Variants in BICD1 observed in about 807,000 individuals in gnomAD.
BICD1 encodes BICD cargo adaptor 1.
Under a neutral mutation model 92.5 loss-of-function variants are expected in BICD1, and 35 were observed. The ratio of observed to expected loss-of-function variants is 0.38; its 90% CI spans 0.29 to 0.50. The LOEUF (loss-of-function observed/expected upper bound fraction) is 0.50. BICD1 is among the 20% of genes least tolerant of loss of function. The pLI, the probability that BICD1 is intolerant of heterozygous loss-of-function variation, is 0.93. For synonymous variants in BICD1, 429 were observed against 465.1 expected, an observed-to-expected ratio of 0.92 and a Z score of 1.00; for missense variants, 950 against 1,189.8, an observed-to-expected ratio of 0.80 and a Z score of 2.97.
In BICD1 at chr12:32,377,856, T is replaced by C. The variant is rs201543635; in HGVS notation, c.*229T>C. The C allele has an allele frequency of 1.3e-5, 6 of 455,442 alleles. No homozygotes were observed. Among genetic ancestry groups the C allele is most frequent in the African/African-American group, 9.8e-5 (5 of 51,136 alleles). 28.2% of individuals were successfully genotyped at this position (455,442 alleles called of 1,614,324 possible). A position where few individuals can be genotyped will look rare whatever the true frequency, so the allele number is the denominator to read the frequency against. ...TCACAGATAAACTTCTGCCATCAAA[T>C]GGCTACAGTTCATTTAAATTTAAAA... is the stretch of plus-strand genomic sequence containing the variant. On this transcript the variant is annotated 3_prime_UTR_variant, in exon 10 of 10. Transcript: ENST00000652176.
chr12:32,208,838 T>G (rs1224293452), intron 1 of BICD1, among the ~76,000 whole-genome samples: 1 of 152,116 alleles, frequency 6.6e-6, no homozygotes, highest in Non-Finnish European at 1.5e-5. Context: ...TTTTTCTTTT[T>G]TTTTGAGACA....
In BICD1 at chr12:32,216,324, G is replaced by A. The variant is rs1162872744; in HGVS notation, c.291G>A (p.Glu97=). The A allele has an allele frequency of 6.2e-7, 1 of 1,614,206 alleles. No individual in the cohort carries two copies. Among genetic ancestry groups the A allele is most frequent in the Non-Finnish European group, 8.5e-7 (1 of 1,180,050 alleles). ...GETREETLLQ[E]SASKEAYYLG... The stretch of plus-strand genomic sequence containing the variant: ...CTCGGGAGGAAACGCTTCTGCAGGA[G>A]TCAGCATCGAAGGAGGCTTACTATC... Residue 97 remains glutamate (E), a synonymous_variant, in exon 2 of 10, where the codon GAG becomes GAA. Coordinates refer to ENST00000652176, the MANE Select transcript of BICD1 (RefSeq NM_001714.4).
At chr12:32,367,482 G>GAAAA (rs11351681) in intron 8 of BICD1, 188 bp from the exon 9 acceptor site, 1 of 408,126 alleles carries the variant, frequency 2.5e-6, no homozygotes, top group Admixed American at 4.0e-5. Context: ...CTGTATTTAA[G>GAAAA]AAAAAAAAAA....
chr12:32,147,265 T>A (rs1044832967), intron 1 of BICD1, among the ~76,000 whole-genome samples: 7 of 152,144 alleles, frequency 4.6e-5, no homozygotes, highest in Admixed American at 2.6e-4. Flanking sequence ...GAGACCAATG[T>A]TGCCAGACAG....
chr12:32,367,479 TA>T (rs904786905), intron 8 of BICD1, 190 bp from the exon 9 acceptor site: 1 of 485,364 alleles, frequency 2.1e-6, no homozygotes, highest in Non-Finnish European at 3.5e-6. Flanking sequence ...ATACTGTATT[TA>T]AGAAAAAAAA....
chr12:32,251,120 A>G (rs750274369), intron 2 of BICD1, among the ~76,000 whole-genome samples: 3 of 152,202 alleles, frequency 2.0e-5, no homozygotes, highest in South Asian at 2.1e-4. Flanking sequence ...TTTTCTGACT[A>G]TAATAGAAAA....
intron 2 of BICD1, among the ~76,000 whole-genome samples, chr12:32,255,449 G>T (rs1264851021): frequency 6.6e-6 from 1 of 152,156 alleles, no homozygotes; most frequent in Admixed American, 6.5e-5. Flanking sequence ...ACCTCTTAAG[G>T]TAGTAGAGGC....
chr12:32,166,341 G>A (rs968109745), intron 1 of BICD1, among the ~76,000 whole-genome samples: 2 of 151,938 alleles, frequency 1.3e-5, no homozygotes, highest in African/African-American at 4.8e-5. Context: ...TCACCACGTT[G>A]GTCAGGCTGG....
intron 1 of BICD1, among the ~76,000 whole-genome samples, chr12:32,203,824 C>A (rs2121549600): frequency 6.6e-6 from 1 of 152,156 alleles, no homozygotes; most frequent in South Asian, 2.1e-4. Flanking sequence ...CTATCCCTAT[C>A]CAACTCAATA....
At chr12:32,338,242 G>A (rs1938214471) in intron 7 of BICD1, 1 of 189,208 alleles carries the variant, frequency 5.3e-6, no homozygotes, top group Admixed American at 5.4e-5. Context: ...CTCTTTAACG[G>A]GGCAAGGATA....
At chr12:32,158,527 C>T (rs1176582342) in intron 1 of BICD1, among the ~76,000 whole-genome samples, 3 of 151,562 alleles carry the variant, frequency 2.0e-5, no homozygotes, top group African/African-American at 7.3e-5. Flanking sequence ...GAAAGAATAC[C>T]TCTGGTATAT....
intron 2 of BICD1, among the ~76,000 whole-genome samples, chr12:32,232,693 G>A (rs1483794136): frequency 6.6e-6 from 1 of 152,112 alleles, no homozygotes; most frequent in Non-Finnish European, 1.5e-5. Context: ...TAATGGCTAG[G>A]TTTTCTTCTA....
Position 32,337,367 on chromosome 12 carries a change from A to G in BICD1, c.2253-132A>G. 1 of 732,448 alleles carries G rather than the reference A, an allele frequency of 1.4e-6. No individual in the cohort carries two copies. The highest frequency in any genetic ancestry group is 2.2e-6 in the Non-Finnish European group (1 of 448,096). The allele number at this position is 732,448 out of a possible 1,614,324, so 45.4% of individuals were successfully genotyped here. ...TTTTCTGCTATTGTGGGTTATCTACATTCTATTGCTAGACCTTTAAACCAG... is the reference window on the plus strand; with the variant it reads ...TTTTCTGCTATTGTGGGTTATCTACGTTCTATTGCTAGACCTTTAAACCAG... On this transcript the variant is annotated intron_variant, in intron 6 of 9. Coordinates refer to ENST00000652176, the MANE Select transcript of BICD1 (RefSeq NM_001714.4). This position sits in a 1 kb window ranked among gnomAD's most constrained non-coding sequence, Gnocchi z 4.7.
At chr12:32,161,828 A>C (rs1464717145) in intron 1 of BICD1, among the ~76,000 whole-genome samples, 2 of 152,190 alleles carry the variant, frequency 1.3e-5, no homozygotes, top group Admixed American at 1.3e-4. Context: ...CTGGCATAGA[A>C]GGCACTGGAT....
At chr12:32,113,597 G>A (rs1941778770) in intron 1 of BICD1, among the ~76,000 whole-genome samples, 1 of 151,694 alleles carries the variant, frequency 6.6e-6, no homozygotes, top group Non-Finnish European at 1.5e-5. Flanking sequence ...CAGCTGGAGT[G>A]CAGTGGCATG....
intron 9 of BICD1, among the ~76,000 whole-genome samples, chr12:32,375,740 T>C (rs1939929880): frequency 6.6e-6 from 1 of 152,166 alleles, no homozygotes. Flanking sequence ...CTCAAGCCAG[T>C]CAGATATTTT....
intron 1 of BICD1, among the ~76,000 whole-genome samples, chr12:32,173,110 C>T (rs1352731070): frequency 6.6e-6 from 1 of 151,934 alleles, no homozygotes; most frequent in Non-Finnish European, 1.5e-5. Flanking sequence ...TGCAGTGGCA[C>T]GATCGTGGAT....
intron 2 of BICD1, among the ~76,000 whole-genome samples, chr12:32,258,187 A>G (rs1222220197): frequency 6.6e-6 from 1 of 152,082 alleles, no homozygotes; most frequent in Non-Finnish European, 1.5e-5. Flanking sequence ...AACATTTGGT[A>G]TTTTTTCATT....
At chr12:32,271,057 C>T (rs11051890) in intron 2 of BICD1, among the ~76,000 whole-genome samples, 11,786 of 152,208 alleles carry the variant, frequency 0.077, 744 homozygotes, top group East Asian at 0.3. Context: ...AAAGAAGATG[C>T]TCACACTTTC....
Sources: allele counts gnomAD v4.1 joint callset (sites outside exome capture counted in the v4.1 genomes callset), GRCh38; gene constraint gnomAD v4.1.1; non-coding constraint Gnocchi (gnomAD v3.1); transcripts MANE v1.5; gene names NCBI Gene and HGNC (gene_info 2026-07-23, HGNC 2026-07-21).